CD14: variants seen among roughly 807,000 people sequenced by gnomAD.
CD14 encodes monocyte differentiation antigen CD14.
In CD14, 4 loss-of-function variants were observed where a neutral mutation model predicts 2.5. That is an observed-to-expected ratio of 1.63 (90% CI 0.80 to 3.72). The LOEUF (loss-of-function observed/expected upper bound fraction) is 3.72, where lower values mean the gene tolerates loss of function less well. Ranked by LOEUF, CD14 falls within the 30% of genes most tolerant of loss-of-function variation. The probability of loss-of-function intolerance (pLI) is 0.01; values close to 1 mark genes in which losing one functional copy is unlikely to be tolerated. For synonymous variants in CD14, 236 were observed against 235.1 expected (o/e 1.00, Z -0.04); for missense variants, 478 against 497.8 (o/e 0.96, Z 0.38).
At chr5:140,633,525 C>T, upstream of CD14, 1 of 230,650 alleles carries the variant, frequency 4.3e-6, no homozygotes, top group Non-Finnish European at 8.8e-6. Context: ...CCCCCAATCC[C>T]CCTACCTTAT....
upstream of CD14, chr5:140,633,251 A>G (rs964569454): frequency 1.7e-5 from 12 of 711,090 alleles, no homozygotes; most frequent in Non-Finnish European, 2.9e-5. Context: ...AACCCTGATC[A>G]CCTCCCCACC....
In CD14 at chr5:140,632,520, G is replaced by A. The variant is rs1021142140; in HGVS notation, c.464C>T (p.Ala155Val). 1.2e-6 allele frequency: 2 copies of A among 1,614,026 alleles called. No homozygotes were observed. The highest frequency in any genetic ancestry group is 1.7e-6 in the Non-Finnish European group (2 of 1,180,054). Residue 155 changes from alanine to valine, a missense_variant, in exon 2 of 2, where the codon GCG becomes GTG. Physicochemically the swap from Ala to Val is moderately conservative, Grantham distance 64 (BLOSUM62 0). Coordinates refer to ENST00000302014, the MANE Select transcript of CD14 (RefSeq NM_000591.4). This position sits in a 1 kb window ranked among gnomAD's most constrained non-coding sequence, Gnocchi z 6.2. ...CTCGGCGAGCCAAGAACGCCCTGTC[G>A]CCCACGACACGTTGCGTAGGCGCAA... The part of the protein sequence containing the change: ...SSLRLRNVSW[A>V]TGRSWLAELQ...
Position 140,632,027 on chromosome 5 carries a change from G to C in CD14, c.957C>G (p.Pro319=), listed in dbSNP as rs1756593011. 1 of 1,614,174 alleles carries C rather than the reference G, an allele frequency of 6.2e-7. No homozygotes were observed. Among genetic ancestry groups the C allele is most frequent in the Non-Finnish European group, 8.5e-7 (1 of 1,180,020 alleles). The part of the protein sequence containing the change: ...LNRAPQPDEL[P]EVDNLTLDGN... ...CGTCCAGTGTCAGGTTATCCACCTC[G>C]GGCAGCTCGTCAGGCTGCGGCGCCC... Residue 319 remains proline (P), a synonymous_variant, in exon 2 of 2, where the codon CCC becomes CCG. Coordinates refer to ENST00000302014, the MANE Select transcript of CD14 (RefSeq NM_000591.4). This position sits in a 1 kb window ranked among gnomAD's most constrained non-coding sequence, Gnocchi z 6.2.
rs571768081 is a variant in CD14 at position 140,632,191 on chromosome 5, C to T, written c.793G>A (p.Val265Ile). The change falls in exon 2 of 2, where the codon GTA (valine) becomes ATA (isoleucine). Residue 265 changes from valine to isoleucine, a missense_variant. Val to Ile is a conservative substitution (Grantham distance 29, BLOSUM62 3). Coordinates refer to ENST00000302014, the MANE Select transcript of CD14 (RefSeq NM_000591.4). The surrounding 1 kb of genome is among the most constrained non-coding windows in gnomAD (Gnocchi z 6.2). ...DLSHNSLRAT[V>I]NPSAPRCMWS... ...ATGCATCTCGGAGCGCTAGGGTTTA[C>T]GGTGGCGCGCAGCGAGTTGTGGCTG... 1.2e-5 allele frequency: 20 copies of T among 1,613,502 alleles called. No homozygotes were observed. Among genetic ancestry groups the T allele is most frequent in the South Asian group, 3.3e-5 (3 of 91,084 alleles).
Position 140,631,795 on chromosome 5 carries a change from C to T in CD14, c.*61G>A, listed in dbSNP as rs901838812. ...GAATTGGTCGAAAAGTCCTCAACGT[C>T]CTGACGGGACTCCCCTGAAGCCAAG... On this transcript the variant is annotated 3_prime_UTR_variant, in exon 2 of 2. Coordinates refer to ENST00000302014, the MANE Select transcript of CD14 (RefSeq NM_000591.4). The T allele has an allele frequency of 1.4e-6, 2 of 1,460,668 alleles. No individual in the cohort carries two copies. The highest frequency in any genetic ancestry group is 2.3e-5 in the Admixed American group (1 of 44,042). The allele number at this position is 1,460,668 out of a possible 1,614,324, so 90.5% of individuals were successfully genotyped here.
rs773878355 is a variant in CD14 at position 140,632,760 on chromosome 5, G to C, written c.224C>G (p.Ala75Gly). 4 of 1,613,276 alleles carry C rather than the reference G, an allele frequency of 2.5e-6. No individual in the cohort carries two copies. Among genetic ancestry groups the C allele is most frequent in the Middle Eastern group, 1.6e-4 (1 of 6,062 alleles). ...AGCATACTGCCGCGGGTCGGCGTCC[G>C]CATCGACGCGCTTTAGAAACGGCTC... ...NLEPFLKRVD[A>G]DADPRQYADT... is the part of the protein sequence containing the mutation. The change falls in exon 2 of 2, where the codon GCG becomes GGG. Residue 75 changes from alanine (A) to glycine (G), a missense_variant. Physicochemically the swap from Ala to Gly is moderately conservative, Grantham distance 60. Coordinates refer to ENST00000302014, the MANE Select transcript of CD14 (RefSeq NM_000591.4). The surrounding 1 kb of genome is among the most constrained non-coding windows in gnomAD (Gnocchi z 6.2).
In CD14 at chr5:140,632,143, G is replaced by A. The variant is rs1356155156; in HGVS notation, c.841C>T (p.Leu281Phe). The A allele has an allele frequency of 1.2e-6, 2 of 1,614,202 alleles. No individual in the cohort carries two copies. The highest frequency in any genetic ancestry group is 2.2e-5 in the East Asian group (1 of 44,880). ...TCCAGCCCAGCGAACGACAGATTGA[G>A]GGAGTTCAGGGCGCTGGACCACATG... ...RCMWSSALNS[L>F]NLSFAGLEQV... Residue 281 changes from leucine (L) to phenylalanine (F), a missense_variant, in exon 2 of 2, where the codon CTC (leucine) becomes TTC (phenylalanine). Leu to Phe is a conservative substitution (Grantham distance 22). Transcript: ENST00000302014. This position sits in a 1 kb window ranked among gnomAD's most constrained non-coding sequence, Gnocchi z 6.2.
Position 140,632,485 on chromosome 5 carries a change from A to G in CD14, c.499T>C (p.Trp167Arg), listed in dbSNP as rs769984054. The change falls in exon 2 of 2, where the codon TGG becomes CGG. Residue 167 changes from tryptophan to arginine, a missense_variant. Transcript: ENST00000302014. The surrounding 1 kb of genome is among the most constrained non-coding windows in gnomAD (Gnocchi z 6.2). The part of the protein sequence containing the change: ...GRSWLAELQQ[W>R]LKPGLKVLSI... ...AGTACCTTGAGGCCTGGCTTGAGCC[A>G]CTGCTGCAGCTCGGCGAGCCAAGAA... is the stretch of plus-strand genomic sequence containing the variant. 3.1e-6 allele frequency: 5 copies of G among 1,613,932 alleles called. No homozygotes were observed. In the South Asian group the frequency reaches 5.5e-5, roughly 18 times the overall value.
chr5:140,633,256 C>G (rs532663832), upstream of CD14: 1 of 713,682 alleles, frequency 1.4e-6, no homozygotes, highest in African/African-American at 1.7e-5. Context: ...TGATCACCTC[C>G]CCACCTCTCT....
Position 140,631,869 on chromosome 5 carries a change from C to T in CD14, c.1115G>A (p.Arg372Gln), listed in dbSNP as rs778780195. 3 of 1,562,740 alleles carry T rather than the reference C, an allele frequency of 1.9e-6. No individual in the cohort carries two copies. Among genetic ancestry groups the T allele is most frequent in the East Asian group, 2.3e-5 (1 of 44,226 alleles). ...SGTLVLLQGARGFA is the reference protein window; with the variant it reads ...SGTLVLLQGAQGFA ...CTGTCTTGGATCTTAGGCAAAGCCC[C>T]GGGCCCCTTGGAGCAGCACCAGGGT... Residue 372 changes from arginine to glutamine, a missense_variant, in exon 2 of 2, where the codon CGG (arginine) becomes CAG (glutamine). By Grantham distance (43) the Arg-to-Gln change is conservative. Transcript: ENST00000302014.
In CD14 at chr5:140,633,057, C is replaced by A; in HGVS notation, c.3+12G>T. 1 of 1,613,372 alleles carries A rather than the reference C, an allele frequency of 6.2e-7. No homozygotes were observed. Among genetic ancestry groups the A allele is most frequent in the Non-Finnish European group, 8.5e-7 (1 of 1,179,744 alleles). ...GAGTGGCACGCGTTCGACCCCAAGA[C>A]CCTACACTCACCATGGTCGATAAGT... On this transcript the variant is annotated intron_variant, in intron 1 of 1. Coordinates refer to ENST00000302014, the MANE Select transcript of CD14 (RefSeq NM_000591.4).
rs1419721786 is a variant in CD14, at chr5:140,632,315, G to T, written c.669C>A (p.Ala223=). Residue 223 remains alanine, a synonymous_variant, in exon 2 of 2, where the codon GCC becomes GCA. Transcript: ENST00000302014. This position sits in a 1 kb window ranked among gnomAD's most constrained non-coding sequence, Gnocchi z 6.2. ...MAALCPHKFP[A]IQNLALRNTG... is the part of the protein sequence containing the mutation. ...TGTTGCGCAGCGCTAGATTCTGGAT[G>T]GCCGGGAACTTGTGGGGACAGAGAG... The T allele has an allele frequency of 1.2e-6, 2 of 1,613,922 alleles. No individual in the cohort carries two copies. The highest frequency in any genetic ancestry group is 1.7e-6 in the Non-Finnish European group (2 of 1,180,044).
Position 140,632,634 on chromosome 5 carries a change from C to T in CD14, c.350G>A (p.Arg117His), listed in dbSNP as rs770900004. The T allele has an allele frequency of 1.9e-6, 3 of 1,613,660 alleles. No individual in the cohort carries two copies. Among genetic ancestry groups the T allele is most frequent in the African/African-American group, 2.7e-5 (2 of 74,928 alleles). Reference sequence around the variant, plus strand: ...GTCCTCGAGCGTCAGTTCCTTGAGGCGGGAGTACGCTAGCACACGCAGGGC... The same window carrying T: ...GTCCTCGAGCGTCAGTTCCTTGAGGTGGGAGTACGCTAGCACACGCAGGGC... ...VGALRVLAYS[R>H]LKELTLEDLK... The change falls in exon 2 of 2, where the codon CGC (arginine) becomes CAC (histidine). Residue 117 changes from arginine to histidine, a missense_variant. Coordinates refer to ENST00000302014, the MANE Select transcript of CD14 (RefSeq NM_000591.4). This position sits in a 1 kb window ranked among gnomAD's most constrained non-coding sequence, Gnocchi z 6.2.
At position 140,633,098 on chromosome 5, in the gene CD14, G is replaced by A. The variant is rs1277775486; in HGVS notation, c.-27C>T. On this transcript the variant is annotated 5_prime_UTR_variant, in exon 1 of 2. Transcript: ENST00000302014. The stretch of plus-strand genomic sequence containing the variant: ...GTCGATAAGTCTTCCGAACCTCTGA[G>A]CTCCGGACAGGCTCTGGAAGTGCTT... The A allele has an allele frequency of 1.2e-6, 2 of 1,613,826 alleles. No homozygotes were observed. Among genetic ancestry groups the A allele is most frequent in the African/African-American group, 1.3e-5 (1 of 74,890 alleles).
chr5:140,633,092 C>T lies in CD14; in HGVS notation c.-21G>A. On this transcript the variant is annotated 5_prime_UTR_variant, in exon 1 of 2. Coordinates refer to ENST00000302014, the MANE Select transcript of CD14 (RefSeq NM_000591.4). ...ACCATGGTCGATAAGTCTTCCGAAC[C>T]TCTGAGCTCCGGACAGGCTCTGGAA... 6.2e-7 allele frequency: 1 copy of T among 1,614,092 alleles called. No homozygotes were observed.
In CD14 at chr5:140,632,314, TG is replaced by T. The variant is rs1382741154; in HGVS notation, c.669del (p.Ile224SerfsTer4). 5 of 1,613,916 alleles carry T rather than the reference TG, an allele frequency of 3.1e-6. No individual in the cohort carries two copies. The highest frequency in any genetic ancestry group is 4.2e-6 in the Non-Finnish European group (5 of 1,180,048). On this transcript the variant is annotated frameshift_variant, in exon 2 of 2. Transcript: ENST00000302014. LOFTEE classifies it low-confidence loss of function (END_TRUNC). The surrounding 1 kb of genome is among the most constrained non-coding windows in gnomAD (Gnocchi z 6.2). ...MAALCPHKFP[A>X]IQNLALRNTG... ...GTGTTGCGCAGCGCTAGATTCTGGA[TG>T]GCCGGGAACTTGTGGGGACAGAGAG...
chr5:140,632,554 G>A lies in CD14; in HGVS notation c.430C>T (p.Leu144Phe). 6.2e-7 allele frequency: 1 copy of A among 1,614,162 alleles called. No homozygotes were observed. The highest frequency in any genetic ancestry group is 8.5e-7 in the Non-Finnish European group (1 of 1,180,040). Reference sequence around the variant, plus strand: ...ACGTTGCGTAGGCGCAAGCTGGAAAGTGCAAGTCCTGTGGCTTCCAGAGGC... The same window carrying A: ...ACGTTGCGTAGGCGCAAGCTGGAAAATGCAAGTCCTGTGGCTTCCAGAGGC... ...PLPLEATGLALSSLRLRNVSW... is the reference protein window; with the variant it reads ...PLPLEATGLAFSSLRLRNVSW... Residue 144 changes from leucine (L) to phenylalanine (F), a missense_variant, in exon 2 of 2, where the codon CTT becomes TTT. Coordinates refer to ENST00000302014, the MANE Select transcript of CD14 (RefSeq NM_000591.4). The surrounding 1 kb of genome is among the most constrained non-coding windows in gnomAD (Gnocchi z 6.2).
Position 140,631,735 on chromosome 5 carries a change from T to C in CD14, c.*121A>G. 2.2e-6 allele frequency: 2 copies of C among 922,324 alleles called. No homozygotes were observed. Among genetic ancestry groups the C allele is most frequent in the Non-Finnish European group, 1.7e-6 (1 of 597,128 alleles). 57.1% of individuals were successfully genotyped at this position (922,324 alleles called of 1,614,324 possible). On this transcript the variant is annotated 3_prime_UTR_variant, in exon 2 of 2. Transcript: ENST00000302014. Reference sequence around the variant, plus strand: ...TGTTAAATGAATGACACGGACCCGTTGTTTAAGATTTTAATAAAGGTGGGG... The same window carrying C: ...TGTTAAATGAATGACACGGACCCGTCGTTTAAGATTTTAATAAAGGTGGGG...
rs1196174420 is a variant in CD14 at position 140,632,082 on chromosome 5, A to C, written c.902T>G (p.Val301Gly). The C allele has an allele frequency of 1.2e-6, 2 of 1,614,012 alleles. No individual in the cohort carries two copies. The highest frequency in any genetic ancestry group is 1.7e-6 in the Non-Finnish European group (2 of 1,180,020). ...CAGTCTGTTGCAGCTGAGATCGAGC[A>C]CTCTGAGCTTGGCTGGCAGTCCTTT... ...VPKGLPAKLR[V>G]LDLSCNRLNR... Residue 301 changes from valine to glycine, a missense_variant, in exon 2 of 2, where the codon GTG becomes GGG. Val to Gly is a moderately radical substitution (Grantham distance 109, BLOSUM62 -3). Transcript: ENST00000302014. The surrounding 1 kb of genome is among the most constrained non-coding windows in gnomAD (Gnocchi z 6.2).
Sources: gnomAD v4.1 joint callset for allele counts on GRCh38, gnomAD v4.1.1 for gene constraint, Gnocchi (gnomAD v3.1) non-coding constraint, MANE v1.5 for transcripts, NCBI Gene and HGNC (gene_info 2026-07-23, HGNC 2026-07-21) for gene names.